The following RIMS2 variants were observed in gnomAD, a reference collection of about 807,000 sequenced individuals.
RIMS2 encodes regulating synaptic membrane exocytosis 2, also known as regulating synaptic membrane exocytosis protein 2.
Under a neutral mutation model 174.4 loss-of-function variants are expected in RIMS2, and 59 were observed. The observed-to-expected ratio is 0.34, with a 90% CI of 0.27 to 0.42. RIMS2 has a LOEUF of 0.42. Ranked by LOEUF, RIMS2 falls within the 10% of genes least tolerant of loss-of-function variation. The pLI is 1.00. For synonymous variants in RIMS2, 606 were observed against 572.5 expected (o/e 1.06, Z -0.84); for missense variants, 1,620 against 1,666.3 (o/e 0.97, Z 0.48).
At chr8:104,195,832 G>T (rs933783674) in intron 19 of RIMS2, among the ~76,000 whole-genome samples, 2 of 151,974 alleles carry the variant, frequency 1.3e-5, no homozygotes, top group Non-Finnish European at 2.9e-5. Flanking sequence ...TCTTTTTAGG[G>T]TTATGGCTGG....
intron 1 of RIMS2, among the ~76,000 whole-genome samples, chr8:103,555,814 A>AG (rs397969452): frequency 6.6e-6 from 1 of 150,820 alleles, no homozygotes; most frequent in Non-Finnish European, 1.5e-5. Flanking sequence ...AAAAAAAAAA[A>AG]GAAAAAAAGT....
chr8:103,629,184 C>T (rs1415947655), intron 1 of RIMS2, among the ~76,000 whole-genome samples: 1 of 152,190 alleles, frequency 6.6e-6, no homozygotes, highest in Non-Finnish European at 1.5e-5. Flanking sequence ...TAGACCCTCT[C>T]CTCCATCCCC....
intron 19 of RIMS2, among the ~76,000 whole-genome samples, chr8:104,084,898 A>G (rs1474506955): frequency 6.6e-6 from 1 of 152,142 alleles, no homozygotes; most frequent in Non-Finnish European, 1.5e-5. Context: ...AGCTCCTAGT[A>G]AGTGGAAGAG....
At chr8:104,010,054 T>C (rs1008638004) in intron 17 of RIMS2, among the ~76,000 whole-genome samples, 3 of 151,910 alleles carry the variant, frequency 2.0e-5, no homozygotes, top group African/African-American at 7.3e-5. Flanking sequence ...GGCAATAACA[T>C]TGGGTTATAG....
At chr8:104,121,973 AAAAAT>A (rs1231795865) in intron 19 of RIMS2, among the ~76,000 whole-genome samples, 1 of 152,138 alleles carries the variant, frequency 6.6e-6, no homozygotes, top group Non-Finnish European at 1.5e-5. Context: ...AAAAATAAAT[AAAAAT>A]AAAATAATAT....
chr8:103,893,470 G>A (rs966533846), intron 4 of RIMS2, among the ~76,000 whole-genome samples: 5 of 152,062 alleles, frequency 3.3e-5, no homozygotes, highest in African/African-American at 9.7e-5. Context: ...GCATGTGGGA[G>A]ATTATCCATT....
intron 1 of RIMS2, among the ~76,000 whole-genome samples, chr8:103,554,356 C>T (rs1465652348): frequency 6.6e-6 from 1 of 152,110 alleles, no homozygotes; most frequent in Non-Finnish European, 1.5e-5. Context: ...AAAAAACAAA[C>T]AGCACCATTA....
chr8:103,510,215 C>T (rs1825796490), intron 1 of RIMS2, among the ~76,000 whole-genome samples: 1 of 152,104 alleles, frequency 6.6e-6, no homozygotes, highest in African/African-American at 2.4e-5. Flanking sequence ...AGCAGAATAA[C>T]CACAATGGTG....
At chr8:103,573,212 C>A (rs911204308) in intron 1 of RIMS2, among the ~76,000 whole-genome samples, 2 of 151,844 alleles carry the variant, frequency 1.3e-5, no homozygotes, top group Non-Finnish European at 2.9e-5. Flanking sequence ...CATGCCACCA[C>A]GCCCAGCTAA....
chr8:104,096,330 A>G (rs2097762150), intron 19 of RIMS2, among the ~76,000 whole-genome samples: 2 of 152,366 alleles, frequency 1.3e-5, no homozygotes, highest in Middle Eastern at 3.4e-3. Context: ...AGAGAAGACT[A>G]TAACCTTAAG....
chr8:103,959,291 GATT>G (rs1323066401), intron 14 of RIMS2, among the ~76,000 whole-genome samples: 3 of 152,112 alleles, frequency 2.0e-5, no homozygotes, highest in Admixed American at 6.5e-5. Context: ...AATGTATATG[GATT>G]ATTATTTTTT....
chr8:104,002,622 ATATG>A lies in RIMS2; in HGVS notation c.3045-10816_3045-10813del, dbSNP rs2095431655. Among the ~76,000 whole-genome samples, 3 of 152,264 alleles carry A rather than the reference ATATG, an allele frequency of 2.0e-5. No individual in the cohort carries two copies. In the South Asian group the frequency reaches 6.2e-4, roughly 32 times the overall value. ...CTGGAAATTGTTTCCTAGGAATAAA[ATATG>A]TATTAATAGCTTCAGTTGGGCCATA... On this transcript the variant is annotated intron_variant, in intron 17 of 23. Coordinates refer to ENST00000504942, the Ensembl canonical transcript of RIMS2.
chr8:103,882,165 T>G (rs1240750787), intron 3 of RIMS2, among the ~76,000 whole-genome samples: 3 of 151,532 alleles, frequency 2.0e-5, no homozygotes, highest in African/African-American at 7.2e-5. Context: ...TATTGCTTTA[T>G]CTATTAAATA....
intron 13 of RIMS2, among the ~76,000 whole-genome samples, chr8:103,939,452 G>A (rs2082042747): frequency 6.6e-6 from 1 of 152,178 alleles, no homozygotes; most frequent in East Asian, 1.9e-4. Flanking sequence ...CACAGCACAG[G>A]GACCGTGGGG....
intron 19 of RIMS2, among the ~76,000 whole-genome samples, chr8:104,203,888 T>A: frequency 6.6e-6 from 1 of 152,214 alleles, no homozygotes. Context: ...ATTCAAACGT[T>A]TTTTGCTTTG....
chr8:103,748,636 T>C (rs1019353802), intron 2 of RIMS2, among the ~76,000 whole-genome samples: 1 of 152,166 alleles, frequency 6.6e-6, no homozygotes, highest in Non-Finnish European at 1.5e-5. Flanking sequence ...TTGCCTCTAG[T>C]TTACATCTTC....
chr8:103,885,081 A>T (rs1424464139), intron 3 of RIMS2, among the ~76,000 whole-genome samples: 1 of 151,916 alleles, frequency 6.6e-6, no homozygotes, highest in Non-Finnish European at 1.5e-5. Flanking sequence ...CATATTCCAG[A>T]TATAGTGTTG....
intron 2 of RIMS2, among the ~76,000 whole-genome samples, chr8:103,736,233 T>G (rs926877007): frequency 2.0e-5 from 3 of 152,188 alleles, no homozygotes; most frequent in African/African-American, 7.2e-5. Flanking sequence ...AAGTAACCCA[T>G]GGCAATTAGA....
intron 4 of RIMS2, among the ~76,000 whole-genome samples, chr8:103,887,930 C>T (rs944220567): frequency 6.6e-6 from 1 of 151,492 alleles, no homozygotes; most frequent in Admixed American, 6.6e-5. Flanking sequence ...GATGCAAGCT[C>T]TTTGCAGATA....
Sources: allele counts gnomAD v4.1 joint callset (sites outside exome capture counted in the v4.1 genomes callset), GRCh38; gene constraint gnomAD v4.1.1; transcripts MANE v1.5; gene names NCBI Gene and HGNC (gene_info 2026-07-23, HGNC 2026-07-21).